Variants in FSTL4 observed in about 807,000 individuals in gnomAD.
FSTL4 encodes follistatin like 4.
Under a neutral mutation model 78.2 loss-of-function variants are expected in FSTL4, and 28 were observed. That is an observed-to-expected ratio of 0.36 (90% CI 0.27 to 0.49). FSTL4 has a LOEUF of 0.49. Ranked by LOEUF, FSTL4 falls within the 20% of genes least tolerant of loss-of-function variation. The probability of loss-of-function intolerance (pLI) is 0.98; values close to 1 mark genes in which losing one functional copy is unlikely to be tolerated. For synonymous variants in FSTL4, 422 were observed against 440.5 expected (o/e 0.96, Z 0.53); for missense variants, 922 against 1,084.9 (o/e 0.85, Z 2.11).
At chr5:133,633,479 C>A in the FSTL4 span, among the ~76,000 whole-genome samples, 8 of 151,992 alleles carry the variant, frequency 5.3e-5, no homozygotes, top group South Asian at 2.1e-4. Flanking sequence ...TTCTTTATAT[C>A]TTTTATTTCT....
intron 6 of FSTL4, among the ~76,000 whole-genome samples, chr5:133,306,035 C>G (rs1376157909): frequency 6.6e-6 from 1 of 152,240 alleles, no homozygotes; most frequent in Non-Finnish European, 1.5e-5. Context: ...CAGTGGGGAG[C>G]TTGGGTATTT....
chr5:133,580,824 G>A (rs1459774944), intron 2 of FSTL4, among the ~76,000 whole-genome samples: 1 of 152,184 alleles, frequency 6.6e-6, no homozygotes, highest in Admixed American at 6.5e-5. Context: ...CCTAGGGATG[G>A]CAGTAGCATC....
chr5:133,261,787 T>G (rs765734490), intron 6 of FSTL4, among the ~76,000 whole-genome samples: 6 of 152,128 alleles, frequency 3.9e-5, no homozygotes, highest in Non-Finnish European at 8.8e-5. Context: ...GCTCAGGAGT[T>G]CAAGGCCTGC....
At chr5:133,830,082 C>T in the FSTL4 span, among the ~76,000 whole-genome samples, 2 of 152,178 alleles carry the variant, frequency 1.3e-5, no homozygotes, top group Admixed American at 1.3e-4. Flanking sequence ...GACATGCAGG[C>T]CCCAGTGACA....
intron 3 of FSTL4, among the ~76,000 whole-genome samples, chr5:133,497,312 T>C (rs1758386233): frequency 6.6e-6 from 1 of 152,234 alleles, no homozygotes; most frequent in Non-Finnish European, 1.5e-5. Context: ...TCACCTTCCT[T>C]GAGTTTCCTC....
the FSTL4 span, among the ~76,000 whole-genome samples, chr5:133,698,776 T>C: frequency 6.6e-5 from 10 of 152,310 alleles, no homozygotes; most frequent in East Asian, 1.7e-3. Flanking sequence ...CTCACAGCAA[T>C]GGCCAAAGTC....
chr5:133,458,108 A>G (rs1045375800), intron 3 of FSTL4: 1 of 152,254 alleles, frequency 6.6e-6, no homozygotes, highest in African/African-American at 2.4e-5. Context: ...GATAATAATC[A>G]GCTTTTGCGG....
At chr5:133,788,206 G>A in the FSTL4 span, among the ~76,000 whole-genome samples, 4 of 152,172 alleles carry the variant, frequency 2.6e-5, no homozygotes, top group Admixed American at 6.5e-5. Context: ...TCAGAAGCAC[G>A]GTGGGAGAGT....
intron 4 of FSTL4, among the ~76,000 whole-genome samples, chr5:133,393,050 T>C (rs908900730): frequency 2.0e-5 from 3 of 152,026 alleles, no homozygotes; most frequent in African/African-American, 7.3e-5. Context: ...AACACACATA[T>C]TTGTTTTAGG....
chr5:133,319,321 C>A (rs1753990372), intron 4 of FSTL4, among the ~76,000 whole-genome samples: 3 of 152,262 alleles, frequency 2.0e-5, no homozygotes, highest in African/African-American at 7.2e-5. Context: ...CTAGGGCCCA[C>A]ACTGTCCAGG....
chr5:133,223,730 TA>T (rs1205008386), intron 11 of FSTL4, among the ~76,000 whole-genome samples: 1 of 152,204 alleles, frequency 6.6e-6, no homozygotes, highest in Non-Finnish European at 1.5e-5. Flanking sequence ...TCTATACATT[TA>T]AAAATATACA....
chr5:133,210,174 C>T lies in FSTL4; in HGVS notation c.1716+17G>A, dbSNP rs1267264198. The T allele has an allele frequency of 7.5e-7, 1 of 1,339,686 alleles. No homozygotes were observed. Among genetic ancestry groups the T allele is most frequent in the Non-Finnish European group, 1.1e-6 (1 of 929,372 alleles). The allele number at this position is 1,339,686 out of a possible 1,614,324, so 83.0% of individuals were successfully genotyped here. A position where few individuals can be genotyped will look rare whatever the true frequency, so the allele number is the denominator to read the frequency against. On this transcript the variant is annotated intron_variant, in intron 14 of 15. Transcript: ENST00000265342. ...CTCAGTGGAGTGTGGGTATCAGCCTCCATGTGCTCAACATACCTGGAGACT... is the reference window on the plus strand; with the variant it reads ...CTCAGTGGAGTGTGGGTATCAGCCTTCATGTGCTCAACATACCTGGAGACT...
At chr5:133,799,850 G>A in the FSTL4 span, among the ~76,000 whole-genome samples, 1 of 138,734 alleles carries the variant, frequency 7.2e-6, no homozygotes, top group Non-Finnish European at 1.6e-5. Context: ...ACATAACAAG[G>A]CCACAACAGA....
At chr5:133,276,205 G>A (rs1335360079) in intron 6 of FSTL4, among the ~76,000 whole-genome samples, 1 of 152,202 alleles carries the variant, frequency 6.6e-6, no homozygotes, top group Non-Finnish European at 1.5e-5. Context: ...CCCCCAGGGT[G>A]GAAGCCATAG....
intron 1 of FSTL4, among the ~76,000 whole-genome samples, chr5:133,604,546 T>C (rs1249750778): frequency 6.6e-6 from 1 of 152,100 alleles, no homozygotes; most frequent in Non-Finnish European, 1.5e-5. Context: ...CGGTCTCTAC[T>C]AAACATACAA....
At chr5:133,296,235 G>A (rs1391415814) in intron 6 of FSTL4, among the ~76,000 whole-genome samples, 1 of 152,048 alleles carries the variant, frequency 6.6e-6, no homozygotes, top group African/African-American at 2.4e-5. Flanking sequence ...CTTTGGCACC[G>A]CCCTTCAGAA....
intron 6 of FSTL4, among the ~76,000 whole-genome samples, chr5:133,285,473 G>A (rs1417654928): frequency 6.6e-6 from 1 of 152,164 alleles, no homozygotes; most frequent in African/African-American, 2.4e-5. Flanking sequence ...CAGGAAAGGT[G>A]CCCCATTCCC....
At chr5:133,557,441 C>G (rs1759813272) in intron 3 of FSTL4, among the ~76,000 whole-genome samples, 1 of 152,220 alleles carries the variant, frequency 6.6e-6, no homozygotes. Flanking sequence ...GTCCCTTATT[C>G]AGACCCAATT....
chr5:133,621,325 G>A, the FSTL4 span, among the ~76,000 whole-genome samples: 5 of 152,136 alleles, frequency 3.3e-5, no homozygotes, highest in African/African-American at 9.7e-5. Context: ...GCGTGAACCC[G>A]GGAGGTGGAG....
Sources: allele counts gnomAD v4.1 joint callset (sites outside exome capture counted in the v4.1 genomes callset), GRCh38; gene constraint gnomAD v4.1.1; transcripts MANE v1.5; gene names NCBI Gene and HGNC (gene_info 2026-07-23, HGNC 2026-07-21).